The following FUT8 variants were observed in gnomAD, a reference collection of about 807,000 sequenced individuals.
FUT8 encodes alpha-(1,6)-fucosyltransferase.
Under a neutral mutation model 71.3 loss-of-function variants are expected in FUT8, and 29 were observed. That is an observed-to-expected ratio of 0.41 (90% CI 0.30 to 0.55). FUT8 has a LOEUF of 0.55. Among genes scored for constraint, FUT8 ranks in the 20% least tolerant of loss-of-function variants. The pLI is 0.34. For synonymous variants in FUT8, 254 were observed against 239.3 expected (o/e 1.06, Z -0.57); for missense variants, 544 against 702.1 (o/e 0.77, Z 2.55).
At chr14:65,692,352 G>C (rs1236373810) in intron 7 of FUT8, among the ~76,000 whole-genome samples, 19 of 147,024 alleles carry the variant, frequency 1.3e-4, no homozygotes, top group African/African-American at 4.3e-4. Context: ...CTGGCCGGGC[G>C]GGGGGCTGAC....
At position 65,497,173 on chromosome 14, in the gene FUT8, C is replaced by T. The variant is rs545812424; in HGVS notation, c.-228+41455C>T. 1.5e-3 allele frequency among the ~76,000 whole-genome samples: 232 copies of T among 152,002 alleles called. 6 individuals are homozygous for T. Among genetic ancestry groups the T allele is most frequent in the Non-Finnish European group, 1.5e-3 (100 of 67,966 alleles). ...CCAACGGTAATATATGTCCAGTAACCGGTTGCTATTACTTTTTCTATATGT... is the reference window on the plus strand; with the variant it reads ...CCAACGGTAATATATGTCCAGTAACTGGTTGCTATTACTTTTTCTATATGT... On this transcript the variant is annotated intron_variant, in intron 2 of 10. Coordinates refer to ENST00000673929, the MANE Select transcript of FUT8 (RefSeq NM_001371533.1).
intron 7 of FUT8, among the ~76,000 whole-genome samples, chr14:65,671,632 G>A (rs539299602): frequency 1.3e-5 from 2 of 152,248 alleles, no homozygotes; most frequent in Non-Finnish European, 2.9e-5. Flanking sequence ...ATGATGATTA[G>A]AGGCACAGAA....
chr14:65,581,062 A>G (rs1887064154), intron 3 of FUT8, among the ~76,000 whole-genome samples: 1 of 152,126 alleles, frequency 6.6e-6, no homozygotes, highest in Admixed American at 6.5e-5. Context: ...GCTGGTTTTT[A>G]TAGGAAATAA....
intron 1 of FUT8, among the ~76,000 whole-genome samples, chr14:65,439,987 T>C (rs190811112): frequency 1.4e-5 from 2 of 138,080 alleles, no homozygotes; most frequent in South Asian, 2.3e-4. Context: ...TATATATATA[T>C]ATATGTACAC....
At chr14:65,524,856 G>T (rs1883337712) in intron 2 of FUT8, among the ~76,000 whole-genome samples, 1 of 152,268 alleles carries the variant, frequency 6.6e-6, no homozygotes, top group East Asian at 1.9e-4. Context: ...CTTTGGTTCT[G>T]TTTATATGCT....
At chr14:65,500,382 G>A (rs141450063) in intron 2 of FUT8, among the ~76,000 whole-genome samples, 58 of 151,896 alleles carry the variant, frequency 3.8e-4, no homozygotes, top group African/African-American at 1.3e-3. Flanking sequence ...TTTTTCTTTC[G>A]GTAAAAATAT....
chr14:65,481,133 A>T (rs2066324616), intron 2 of FUT8, among the ~76,000 whole-genome samples: 1 of 151,880 alleles, frequency 6.6e-6, no homozygotes, highest in Non-Finnish European at 1.5e-5. Context: ...GTTTTTTTTT[A>T]TAATCATCAT....
At chr14:65,604,944 T>C (rs1415543179) in intron 3 of FUT8, among the ~76,000 whole-genome samples, 1 of 151,654 alleles carries the variant, frequency 6.6e-6, no homozygotes. Context: ...CATGTTTTTA[T>C]ATCTTTTTAA....
intron 7 of FUT8, among the ~76,000 whole-genome samples, chr14:65,697,621 T>G (rs1434972213): frequency 2.6e-5 from 4 of 152,208 alleles, no homozygotes; most frequent in Non-Finnish European, 4.4e-5. Flanking sequence ...ATAATGATAG[T>G]AATCATCACA....
intron 7 of FUT8, among the ~76,000 whole-genome samples, chr14:65,691,594 ATTCT>A (rs755116142): frequency 6.3e-4 from 95 of 151,366 alleles, no homozygotes; most frequent in Non-Finnish European, 1.0e-3. Flanking sequence ...ATAGTGTATA[ATTCT>A]TTATTTATTT....
chr14:65,492,842 T>C (rs1330341799), intron 2 of FUT8, among the ~76,000 whole-genome samples: 4 of 152,180 alleles, frequency 2.6e-5, no homozygotes, highest in Non-Finnish European at 5.9e-5. Context: ...GAATCTGCTC[T>C]AAGTCCATGA....
At chr14:65,726,010 G>A (rs777856742) in intron 9 of FUT8, among the ~76,000 whole-genome samples, 2 of 151,898 alleles carry the variant, frequency 1.3e-5, no homozygotes, top group Non-Finnish European at 2.9e-5. Flanking sequence ...ATGCGCGCAT[G>A]CGTGCACACA....
At chr14:65,460,587 A>G (rs1178576307) in intron 2 of FUT8, among the ~76,000 whole-genome samples, 1 of 152,178 alleles carries the variant, frequency 6.6e-6, no homozygotes, top group African/African-American at 2.4e-5. Flanking sequence ...TTTCTGATCT[A>G]GGAGTGTCAT....
At chr14:65,581,129 G>A (rs546950600) in intron 3 of FUT8, among the ~76,000 whole-genome samples, 2 of 152,158 alleles carry the variant, frequency 1.3e-5, no homozygotes, top group Admixed American at 6.5e-5. Context: ...GTTTGATGAT[G>A]TAATAGTTAA....
intron 7 of FUT8, among the ~76,000 whole-genome samples, chr14:65,698,995 A>G (rs1232877507): frequency 6.6e-6 from 1 of 151,814 alleles, no homozygotes; most frequent in Non-Finnish European, 1.5e-5. Flanking sequence ...AAAGCCAAAG[A>G]TTTTCTGTAC....
intron 8 of FUT8, among the ~76,000 whole-genome samples, chr14:65,722,435 G>A (rs1262199215): frequency 6.6e-6 from 1 of 152,068 alleles, no homozygotes; most frequent in East Asian, 1.9e-4. Flanking sequence ...GGGTCTAAAG[G>A]CATGTATCAC....
chr14:65,587,500 A>G (rs551321839), intron 3 of FUT8, among the ~76,000 whole-genome samples: 6 of 152,374 alleles, frequency 3.9e-5, no homozygotes, highest in African/African-American at 1.4e-4. Flanking sequence ...TGTGTCACAA[A>G]GAGAACAAAT....
Position 65,561,522 on chromosome 14 carries a change from T to A in FUT8, c.-42T>A, listed in dbSNP as rs1010962790. 2 of 1,585,488 alleles carry A rather than the reference T, an allele frequency of 1.3e-6. No homozygotes were observed. The highest frequency in any genetic ancestry group is 1.7e-6 in the Non-Finnish European group (2 of 1,155,972). On this transcript the variant is annotated 5_prime_UTR_variant, in exon 3 of 11. The change creates a new upstream start codon in the 5' untranslated region. Coordinates refer to ENST00000673929, the MANE Select transcript of FUT8 (RefSeq NM_001371533.1). ...ACAGAGTTACAATGTTTTCAATTCTTTGAGCTCCAGGACTCCAGGGAAGTG... is the reference window on the plus strand; with the variant it reads ...ACAGAGTTACAATGTTTTCAATTCTATGAGCTCCAGGACTCCAGGGAAGTG...
chr14:65,486,246 A>G (rs774107940), intron 2 of FUT8, among the ~76,000 whole-genome samples: 11 of 152,228 alleles, frequency 7.2e-5, no homozygotes, highest in Non-Finnish European at 1.3e-4. Flanking sequence ...CCTACGTTTT[A>G]AAAGGTATTT....
Sources: allele counts gnomAD v4.1 joint callset (sites outside exome capture counted in the v4.1 genomes callset), GRCh38; gene constraint gnomAD v4.1.1; transcripts MANE v1.5; gene names NCBI Gene and HGNC (gene_info 2026-07-23, HGNC 2026-07-21).